The following SLC45A2 variants were observed in gnomAD, a reference collection of about 807,000 sequenced individuals.
SLC45A2 encodes the protein solute carrier family 45 member 2.
In SLC45A2, 36 loss-of-function variants were observed where a neutral mutation model predicts 45.5. The ratio of observed to expected loss-of-function variants is 0.79; its 90% CI spans 0.61 to 1.04. SLC45A2 has a LOEUF of 1.04. Ranked by LOEUF, SLC45A2 falls within the 50% of genes least tolerant of loss-of-function variation. The pLI is 0.00. For synonymous variants in SLC45A2, 306 were observed against 269.3 expected (o/e 1.14, Z -1.33); for missense variants, 719 against 671.0 (o/e 1.07, Z -0.79).
rs1328176767 is a variant in SLC45A2, at chr5:33,951,543, G to C, written c.1156+11C>G. 1 of 1,614,066 alleles carries C rather than the reference G, an allele frequency of 6.2e-7. No homozygotes were observed. Among genetic ancestry groups the C allele is most frequent in the African/African-American group, 1.3e-5 (1 of 75,040 alleles). Reference sequence around the variant, plus strand: ...TTTTAGAAGACATCCTTAGGAGAGAGAAAGACTTACAAGAATAAAGTGAGG... The same window carrying C: ...TTTTAGAAGACATCCTTAGGAGAGACAAAGACTTACAAGAATAAAGTGAGG... On this transcript the variant is annotated intron_variant, in intron 5 of 6. Coordinates refer to ENST00000296589, the MANE Select transcript of SLC45A2 (RefSeq NM_016180.5).
intron 1 of SLC45A2, among the ~76,000 whole-genome samples, chr5:33,982,939 A>G (rs250412): frequency 0.5 from 75,580 of 152,166 alleles, 20,366 homozygotes; most frequent in Non-Finnish European, 0.61. Context: ...CTGCACATAC[A>G]GACACACGTG....
chr5:33,949,566 A>G (rs1752037507), intron 5 of SLC45A2, among the ~76,000 whole-genome samples: 2 of 152,142 alleles, frequency 1.3e-5, no homozygotes, highest in South Asian at 4.1e-4. Context: ...AACTGTGAAA[A>G]GCTCAGGAAT....
chr5:33,971,373 C>T (rs1043630626), intron 2 of SLC45A2: 1 of 490,300 alleles, frequency 2.0e-6, no homozygotes, highest in Non-Finnish European at 4.0e-6. Flanking sequence ...ATGTGGACCA[C>T]CATAAACAGG....
chr5:33,971,019 T>G (rs1463767728), intron 2 of SLC45A2: 2 of 497,450 alleles, frequency 4.0e-6, no homozygotes, highest in African/African-American at 4.0e-5. Context: ...CTAAAAAGTG[T>G]TGGGCAGATT....
chr5:33,960,700 C>T (rs980726031), intron 3 of SLC45A2, among the ~76,000 whole-genome samples: 1 of 152,082 alleles, frequency 6.6e-6, no homozygotes, highest in Non-Finnish European at 1.5e-5. Flanking sequence ...TCTCACAAAT[C>T]ACCACTAAAG....
intron 3 of SLC45A2, among the ~76,000 whole-genome samples, chr5:33,959,051 A>G (rs1302043409): frequency 6.6e-6 from 1 of 152,072 alleles, no homozygotes; most frequent in Non-Finnish European, 1.5e-5. Flanking sequence ...CTTTCACATT[A>G]TTTGATTACT....
intron 3 of SLC45A2, 94 bp downstream of exon 3, chr5:33,963,597 C>T (rs1055369881): frequency 3.8e-5 from 55 of 1,433,962 alleles, no homozygotes; most frequent in Admixed American, 5.1e-5. Flanking sequence ...AAACTCTTCT[C>T]GTCAAACAGA....
chr5:33,958,018 T>C (rs995456481), intron 3 of SLC45A2, among the ~76,000 whole-genome samples: 7 of 152,186 alleles, frequency 4.6e-5, no homozygotes, highest in African/African-American at 1.7e-4. Flanking sequence ...GGTAAAAACC[T>C]TTCAATGATT....
chr5:33,983,878 C>T (rs1753154231), intron 1 of SLC45A2, among the ~76,000 whole-genome samples: 1 of 151,814 alleles, frequency 6.6e-6, no homozygotes, highest in African/African-American at 2.4e-5. Context: ...ATAATGGGCT[C>T]AAAAAGTAAC....
intron 3 of SLC45A2, among the ~76,000 whole-genome samples, chr5:33,961,080 T>C (rs1270824241): frequency 6.6e-6 from 1 of 152,148 alleles, no homozygotes; most frequent in Non-Finnish European, 1.5e-5. Context: ...CAGCACTGGG[T>C]CTGGCAGGTG....
intron 3 of SLC45A2, among the ~76,000 whole-genome samples, chr5:33,959,032 T>A (rs1752365420): frequency 6.6e-6 from 1 of 152,358 alleles, no homozygotes; most frequent in African/African-American, 2.4e-5. Flanking sequence ...CATTATTTTT[T>A]AATTTTCACT....
intron 3 of SLC45A2, among the ~76,000 whole-genome samples, chr5:33,959,375 C>G: frequency 6.6e-6 from 1 of 152,110 alleles, no homozygotes; most frequent in South Asian, 2.1e-4. Flanking sequence ...GGGCTCCAGT[C>G]CAACTAGTAA....
At chr5:33,950,942 A>G (rs1320490605) in intron 5 of SLC45A2, among the ~76,000 whole-genome samples, 3 of 152,230 alleles carry the variant, frequency 2.0e-5, no homozygotes, top group African/African-American at 2.4e-5. Flanking sequence ...GTTATAGCAC[A>G]GCCACCTGGA....
In SLC45A2 at chr5:33,969,065, C is replaced by CTCTCTGTGTGTGTG; in HGVS notation, c.563-5050_563-5049insCACACACACAGAGA. Among the ~76,000 whole-genome samples, 274 of 102,470 alleles carry CTCTCTGTGTGTGTG rather than the reference C, an allele frequency of 2.7e-3. 2 individuals are homozygous for CTCTCTGTGTGTGTG. The highest frequency in any genetic ancestry group is 9.8e-3 in the South Asian group (32 of 3,272). The allele number at this position is 102,470 out of a possible 152,430, so 67.2% of individuals were successfully genotyped here. A position where few individuals can be genotyped will look rare whatever the true frequency, so the allele number is the denominator to read the frequency against. ...AGCTACTCTCTCTCTCTCTCTCTCT[C>CTCTCTGTGTGTGTG]TGTGTGTGTGTGTGTGTGTGTGTGT... On this transcript the variant is annotated intron_variant, in intron 2 of 6. Transcript: ENST00000296589.
chr5:33,963,738 G>T lies in SLC45A2; in HGVS notation c.841C>A (p.Pro281Thr). The change falls in exon 3 of 7, where the codon CCA (proline) becomes ACA (threonine). Residue 281 changes from proline (P) to threonine (T), a missense_variant. By Grantham distance (38) the Pro-to-Thr change is conservative. Coordinates refer to ENST00000296589, the MANE Select transcript of SLC45A2 (RefSeq NM_016180.5). Reference sequence around the variant, plus strand: ...TTTGCTCCCTGCATTGCCAGCTCTGGATTTACGTAACCATTTTTAACTTTC... The same window carrying T: ...TTTGCTCCCTGCATTGCCAGCTCTGTATTTACGTAACCATTTTTAACTTTC... ...IEKVKNGYVN[P>T]ELAMQGAKNK... The T allele has an allele frequency of 6.2e-7, 1 of 1,614,084 alleles. No homozygotes were observed. Among genetic ancestry groups the T allele is most frequent in the East Asian group, 2.2e-5 (1 of 44,876 alleles).
rs370821149 is a variant in SLC45A2 at position 33,979,438 on chromosome 5, C to T, written c.562+2798G>A. On this transcript the variant is annotated intron_variant, in intron 2 of 6. Coordinates refer to ENST00000296589, the MANE Select transcript of SLC45A2 (RefSeq NM_016180.5). Reference sequence around the variant, plus strand: ...GGCTTCAGAGAGAATAGACTGTAAACGTTTCCTATCAGACTTAAAAAGGTG... The same window carrying T: ...GGCTTCAGAGAGAATAGACTGTAAATGTTTCCTATCAGACTTAAAAAGGTG... Among the ~76,000 whole-genome samples the T allele has an allele frequency of 1.2e-4, 19 of 152,172 alleles. No homozygotes were observed. The Middle Eastern group carries it at 0.01, about 82-fold the overall frequency.
intron 2 of SLC45A2, among the ~76,000 whole-genome samples, chr5:33,966,805 G>A (rs1284843654): frequency 6.6e-6 from 1 of 152,206 alleles, no homozygotes; most frequent in African/African-American, 2.4e-5. Context: ...AATTTTGGAT[G>A]TAAAAGGAGA....
At position 33,984,454 on chromosome 5, in the gene SLC45A2, C is replaced by G. The variant is rs772652116; in HGVS notation, c.130G>C (p.Gly44Arg). 1.2e-6 allele frequency: 2 copies of G among 1,613,772 alleles called. No individual in the cohort carries two copies. Among genetic ancestry groups the G allele is most frequent in the Admixed American group, 3.3e-5 (2 of 60,022 alleles). Residue 44 changes from glycine to arginine, a missense_variant, in exon 1 of 7, where the codon GGA becomes CGA. Physicochemically the swap from Gly to Arg is moderately radical, Grantham distance 125. Coordinates refer to ENST00000296589, the MANE Select transcript of SLC45A2 (RefSeq NM_016180.5). ...TCCACCGCGTAGCAGAACTCTCTTC[C>G]GAACATGGCCATGCTGTGCATGATG... The part of the protein sequence containing the change: ...RLIMHSMAMF[G>R]REFCYAVEAA...
chr5:33,954,560 A>C, intron 3 of SLC45A2, 56 bp from the exon 4 acceptor site: 1 of 1,609,248 alleles, frequency 6.2e-7, no homozygotes, highest in Non-Finnish European at 8.5e-7. Flanking sequence ...TCAGCCAGCT[A>C]AGGGAGCCAG....
Sources: gnomAD v4.1 joint callset for allele counts (sites outside exome capture counted in the v4.1 genomes callset) on GRCh38, gnomAD v4.1.1 for gene constraint, MANE v1.5 for transcripts, NCBI Gene and HGNC (gene_info 2026-07-23, HGNC 2026-07-21) for gene names.